ZNF420: variants seen among roughly 807,000 people sequenced by gnomAD.
ZNF420 encodes ATM and p53-associated KZNF protein.
A neutral mutation model predicts 44.7 loss-of-function variants in ZNF420; 31 were observed. That is an observed-to-expected ratio of 0.69 (90% CI 0.52 to 0.94). The LOEUF (loss-of-function observed/expected upper bound fraction) is 0.94. Among genes scored for constraint, ZNF420 ranks in the 40% least tolerant of loss-of-function variants. The pLI is 0.00. For missense variants in ZNF420, 681 were observed against 827.9 expected, an observed-to-expected ratio of 0.82 and a Z score of 2.18; for synonymous variants, 245 against 267.4, an observed-to-expected ratio of 0.92 and a Z score of 0.82.
chr19:37,071,566 C>T (rs539663254), intron 1 of ZNF420, among the ~76,000 whole-genome samples: 27 of 152,164 alleles, frequency 1.8e-4, no homozygotes, highest in Non-Finnish European at 2.5e-4. Flanking sequence ...TTTGGGAGGC[C>T]GAGGCAGGTG....
At chr19:37,065,840 A>G (rs1247047774) in intron 1 of ZNF420, among the ~76,000 whole-genome samples, 1 of 152,250 alleles carries the variant, frequency 6.6e-6, no homozygotes, top group Non-Finnish European at 1.5e-5. Flanking sequence ...TCCACTGTTG[A>G]AAATACCATT....
At chr19:37,045,662 C>T (rs1439338313) in intron 1 of ZNF420, among the ~76,000 whole-genome samples, 2 of 152,166 alleles carry the variant, frequency 1.3e-5, no homozygotes, top group Non-Finnish European at 2.9e-5. Flanking sequence ...AAGAAAAGAT[C>T]ATTATAATGC....
In ZNF420 at chr19:37,090,954, T is replaced by G. The variant is rs1291457547; in HGVS notation, c.10-41T>G. 5.0e-6 allele frequency: 8 copies of G among 1,592,308 alleles called. No individual in the cohort carries two copies. In the African/African-American group the frequency reaches 6.8e-5, roughly 14 times the overall value. On this transcript the variant is annotated intron_variant, in intron 3 of 4. Transcript: ENST00000337995. The stretch of plus-strand genomic sequence containing the variant: ...AAAAGAAAGAAAAAAAGAAAAGCAT[T>G]TTTTAAATTTCCAAAATTAACATTT...
chr19:37,101,278 T>G (rs1045145821), intron 4 of ZNF420, among the ~76,000 whole-genome samples: 105 of 152,298 alleles, frequency 6.9e-4, no homozygotes, highest in African/African-American at 2.5e-3. Flanking sequence ...GTGGATCACC[T>G]GAGGTCAGGA....
chr19:37,087,803 A>G (rs1420420386), intron 2 of ZNF420, among the ~76,000 whole-genome samples: 2 of 151,704 alleles, frequency 1.3e-5, no homozygotes, highest in Admixed American at 6.6e-5. Flanking sequence ...TCGCCACCAC[A>G]CCCGGCTAAT....
chr19:37,056,092 C>G (rs565619341), intron 1 of ZNF420, among the ~76,000 whole-genome samples: 6 of 151,938 alleles, frequency 3.9e-5, no homozygotes, highest in Non-Finnish European at 8.8e-5. Flanking sequence ...CTCTCTGTCT[C>G]TCTCTCTCTC....
chr19:37,044,682 A>G (rs923722986), intron 1 of ZNF420, among the ~76,000 whole-genome samples: 1 of 152,138 alleles, frequency 6.6e-6, no homozygotes, highest in Non-Finnish European at 1.5e-5. Context: ...CCTGGCCAAC[A>G]TGGTGAAACC....
At chr19:37,122,311 T>C (rs1430582039) in intron 4 of ZNF420, among the ~76,000 whole-genome samples, 1 of 151,698 alleles carries the variant, frequency 6.6e-6, no homozygotes, top group Non-Finnish European at 1.5e-5. Context: ...ATGTCCTTTA[T>C]AGGGACATGG....
chr19:37,042,861 A>G (rs1300380844), intron 1 of ZNF420, among the ~76,000 whole-genome samples: 1 of 152,234 alleles, frequency 6.6e-6, no homozygotes, highest in Non-Finnish European at 1.5e-5. Context: ...TGAAAGTGAA[A>G]GACATGTGTC....
chr19:37,102,601 A>C (rs1382425600), intron 4 of ZNF420, among the ~76,000 whole-genome samples: 1 of 152,224 alleles, frequency 6.6e-6, no homozygotes, highest in Non-Finnish European at 1.5e-5. Flanking sequence ...ATGGGAGATC[A>C]GCCACCTGCG....
chr19:37,113,758 A>G (rs1970507420), intron 4 of ZNF420, among the ~76,000 whole-genome samples: 1 of 152,112 alleles, frequency 6.6e-6, no homozygotes, highest in Non-Finnish European at 1.5e-5. Context: ...TAGTGCTCCA[A>G]TTTTGACCTG....
chr19:37,123,856 C>A (rs1354606516), intron 4 of ZNF420, among the ~76,000 whole-genome samples: 2 of 152,062 alleles, frequency 1.3e-5, no homozygotes, highest in African/African-American at 4.8e-5. Context: ...AATCCGCCCG[C>A]CTCAGCCTCC....
At chr19:37,046,643 T>C (rs1401899651) in intron 1 of ZNF420, among the ~76,000 whole-genome samples, 1 of 152,144 alleles carries the variant, frequency 6.6e-6, no homozygotes, top group Non-Finnish European at 1.5e-5. Flanking sequence ...AGAGCAGATG[T>C]TAGGATCAGA....
rs1015318002 is a variant in ZNF420, at chr19:37,086,595, A to C, written c.-80-2444A>C. Among the ~76,000 whole-genome samples, 4 of 152,134 alleles carry C rather than the reference A, an allele frequency of 2.6e-5. No homozygotes were observed. In the East Asian group the frequency reaches 5.8e-4, roughly 22 times the overall value. On this transcript the variant is annotated intron_variant, in intron 2 of 4. Transcript: ENST00000337995. ...CTGAGCAAAAGATTTTACAATTCCCAACTCTGTGGGTTTGTCTCTTTCTTC... is the reference window on the plus strand; with the variant it reads ...CTGAGCAAAAGATTTTACAATTCCCCACTCTGTGGGTTTGTCTCTTTCTTC...
intron 1 of ZNF420, among the ~76,000 whole-genome samples, chr19:37,015,216 A>T (rs2074601127): frequency 6.6e-6 from 1 of 152,102 alleles, no homozygotes; most frequent in South Asian, 2.1e-4. Flanking sequence ...TCTCAAGTCC[A>T]CCTACCTTCT....
chr19:37,030,422 A>G (rs1480838991), intron 1 of ZNF420, among the ~76,000 whole-genome samples: 1 of 152,166 alleles, frequency 6.6e-6, no homozygotes, highest in East Asian at 1.9e-4. Context: ...TGGTCTCCCA[A>G]AATGCTAGGA....
intron 4 of ZNF420, among the ~76,000 whole-genome samples, chr19:37,095,415 C>CT (rs1198668937): frequency 6.6e-6 from 1 of 151,890 alleles, no homozygotes; most frequent in Non-Finnish European, 1.5e-5. Context: ...TAGTTCTGTT[C>CT]TTTTTTTAAC....
intron 1 of ZNF420, among the ~76,000 whole-genome samples, chr19:37,030,510 AG>A (rs1271122817): frequency 6.6e-6 from 1 of 152,184 alleles, no homozygotes; most frequent in African/African-American, 2.4e-5. Flanking sequence ...CATGTAAGTA[AG>A]GTCATGCAAT....
intron 1 of ZNF420, among the ~76,000 whole-genome samples, chr19:37,051,950 T>C (rs1261391264): frequency 6.6e-6 from 1 of 152,206 alleles, no homozygotes; most frequent in African/African-American, 2.4e-5. Context: ...AAAGAACATG[T>C]TGACAGTGGG....
Sources: gnomAD v4.1 joint callset for allele counts (sites outside exome capture counted in the v4.1 genomes callset) on GRCh38, gnomAD v4.1.1 for gene constraint, MANE v1.5 for transcripts, NCBI Gene and HGNC (gene_info 2026-07-23, HGNC 2026-07-21) for gene names.